Variants in SNX16 observed in about 807,000 individuals in gnomAD.
The protein encoded by SNX16 is sorting nexin-16.
Under a neutral mutation model 36.7 loss-of-function variants are expected in SNX16, and 35 were observed. The ratio of observed to expected loss-of-function variants is 0.95; its 90% CI spans 0.73 to 1.27. The LOEUF (loss-of-function observed/expected upper bound fraction) is 1.27. Among genes scored for constraint, SNX16 ranks in the 50% most tolerant of loss-of-function variants. The pLI is 0.00. For synonymous variants in SNX16, 134 were observed against 132.0 expected (o/e 1.02, Z -0.10); for missense variants, 367 against 393.6 (o/e 0.93, Z 0.57).
intron 2 of SNX16, among the ~76,000 whole-genome samples, chr8:81,832,014 A>G (rs1222657025): frequency 6.6e-6 from 1 of 152,232 alleles, no homozygotes; most frequent in African/African-American, 2.4e-5. Flanking sequence ...AGATTTCTCA[A>G]AGAACTTAAA....
At chr8:81,831,177 T>C (rs568120167) in intron 2 of SNX16, among the ~76,000 whole-genome samples, 2 of 152,250 alleles carry the variant, frequency 1.3e-5, no homozygotes, top group South Asian at 2.1e-4. Context: ...AGAAAACCTA[T>C]GAAACACCAT....
At chr8:81,819,548 C>A (rs1055003542) in intron 4 of SNX16, among the ~76,000 whole-genome samples, 1 of 152,018 alleles carries the variant, frequency 6.6e-6, no homozygotes, top group Admixed American at 6.6e-5. Context: ...GTCAAAAGTT[C>A]TCTTTTCCAC....
intron 5 of SNX16, chr8:81,807,970 G>A (rs1333402871): frequency 6.3e-6 from 5 of 789,436 alleles, no homozygotes; most frequent in Non-Finnish European, 1.1e-5. Flanking sequence ...CACTGTGGGG[G>A]AGGTGGATGC....
chr8:81,831,463 T>C (rs541515909), intron 2 of SNX16, among the ~76,000 whole-genome samples: 1 of 151,886 alleles, frequency 6.6e-6, no homozygotes, highest in South Asian at 2.1e-4. Flanking sequence ...GAGGCTGAGG[T>C]GGGCAGATCA....
At position 81,800,048 on chromosome 8, in the gene SNX16, T is replaced by G. The variant is rs533675654; in HGVS notation, c.*1449A>C. ...GGTTATTTGGTAAAAAGTGATCTCC[T>G]TTTTACTTCAAAGGTTAACAACAGC... is the stretch of plus-strand genomic sequence containing the variant. On this transcript the variant is annotated 3_prime_UTR_variant, in exon 8 of 8. Transcript: ENST00000345957. The G allele has an allele frequency of 2.0e-5, 3 of 152,068 alleles. No homozygotes were observed. The highest frequency in any genetic ancestry group is 3.9e-4 in the East Asian group (2 of 5,182). The allele number at this position is 152,068 out of a possible 1,614,324, so 9.4% of individuals were successfully genotyped here.
intron 5 of SNX16, among the ~76,000 whole-genome samples, chr8:81,804,754 G>A: frequency 6.6e-6 from 1 of 152,036 alleles, no homozygotes; most frequent in East Asian, 1.9e-4. Flanking sequence ...ACAGACAAAT[G>A]TTAGCCTTTT....
At chr8:81,811,758 A>C (rs567199227) in intron 5 of SNX16, among the ~76,000 whole-genome samples, 72 of 152,260 alleles carry the variant, frequency 4.7e-4, no homozygotes, top group Admixed American at 9.2e-4. Flanking sequence ...TATTCAAATA[A>C]ATGTACAAAA....
At chr8:81,811,839 G>A (rs761130250) in intron 5 of SNX16, among the ~76,000 whole-genome samples, 2 of 151,950 alleles carry the variant, frequency 1.3e-5, no homozygotes, top group Non-Finnish European at 2.9e-5. Flanking sequence ...ATCTCTAAAC[G>A]GCCCCAAATG....
At position 81,803,189 on chromosome 8, in the gene SNX16, G is replaced by C; in HGVS notation, c.721C>G (p.Gln241Glu). The C allele has an allele frequency of 6.2e-7, 1 of 1,611,042 alleles. No homozygotes were observed. Among genetic ancestry groups the C allele is most frequent in the Non-Finnish European group, 8.5e-7 (1 of 1,178,546 alleles). The change falls in exon 6 of 8, where the codon CAG becomes GAG. Residue 241 changes from glutamine to glutamate, a missense_variant. Coordinates refer to ENST00000345957, the MANE Select transcript of SNX16 (RefSeq NM_152836.3). ...TTTTGTTTTTCAAGTAGTTCTTTCT[G>C]TAAGCGGTAGTTTGTCTCTTCTAAA... ...ETLEETNYRL[Q>E]KELLEKQKEM...
intron 5 of SNX16, among the ~76,000 whole-genome samples, chr8:81,804,346 G>A (rs1809840353): frequency 6.6e-6 from 1 of 151,982 alleles, no homozygotes; most frequent in African/African-American, 2.4e-5. Context: ...AGGAATGAAA[G>A]TGACAAAGAC....
At chr8:81,813,707 TA>T (rs574755309) in intron 5 of SNX16, among the ~76,000 whole-genome samples, 287 of 151,966 alleles carry the variant, frequency 1.9e-3, no homozygotes, top group Non-Finnish European at 2.9e-3. Flanking sequence ...ATATCTAAAG[TA>T]AAGATTTTAT....
chr8:81,833,472 C>T (rs992347800), intron 2 of SNX16, among the ~76,000 whole-genome samples: 1 of 151,888 alleles, frequency 6.6e-6, no homozygotes, highest in Non-Finnish European at 1.5e-5. Context: ...TCTTTAAAGT[C>T]AGCAGAAGGT....
At chr8:81,835,349 A>T (rs1012119984) in intron 2 of SNX16, among the ~76,000 whole-genome samples, 1 of 152,172 alleles carries the variant, frequency 6.6e-6, no homozygotes, top group Non-Finnish European at 1.5e-5. Context: ...TATGCCCTGG[A>T]GACATCTTCC....
chr8:81,823,363 T>C (rs1322484687), intron 4 of SNX16, among the ~76,000 whole-genome samples: 4 of 152,088 alleles, frequency 2.6e-5, no homozygotes, highest in African/African-American at 7.2e-5. Context: ...CTACCTTCTA[T>C]GTAAATTAAG....
In SNX16 at chr8:81,814,399, A is replaced by G. The variant is rs149569832; in HGVS notation, c.681+926T>C. On this transcript the variant is annotated intron_variant, in intron 5 of 7. Coordinates refer to ENST00000345957, the MANE Select transcript of SNX16 (RefSeq NM_152836.3). Reference sequence around the variant, plus strand: ...AATACACACAAACACACACTGTATGATTTTATTTATATGAAATATCCAGAA... The same window carrying G: ...AATACACACAAACACACACTGTATGGTTTTATTTATATGAAATATCCAGAA... Among the ~76,000 whole-genome samples the G allele has an allele frequency of 1.9e-4, 29 of 152,216 alleles. No individual in the cohort carries two copies. In the East Asian group the frequency reaches 5.6e-3, roughly 29 times the overall value.
chr8:81,840,028 CACTTAGAGAACA>C lies in SNX16; in HGVS notation c.-54_-43del, dbSNP rs1204064678. 1 of 1,528,098 alleles carries C rather than the reference CACTTAGAGAACA, an allele frequency of 6.5e-7. No individual in the cohort carries two copies. The highest frequency in any genetic ancestry group is 2.3e-5 in the East Asian group (1 of 44,240). 94.7% of individuals were successfully genotyped at this position (1,528,098 alleles called of 1,614,324 possible). A position where few individuals can be genotyped will look rare whatever the true frequency, so the allele number is the denominator to read the frequency against. ...CAACAAGCTTGCACACTGTTGAGTC[CACTTAGAGAACA>C]ACTAATATGCAATCCATTATTTTCT... On this transcript the variant is annotated 5_prime_UTR_variant, in exon 2 of 8. An upstream open reading frame in the 5' UTR loses its in-frame stop. Coordinates refer to ENST00000345957, the MANE Select transcript of SNX16 (RefSeq NM_152836.3).
intron 5 of SNX16, among the ~76,000 whole-genome samples, chr8:81,806,484 A>G (rs1470452546): frequency 6.6e-6 from 1 of 152,166 alleles, no homozygotes; most frequent in African/African-American, 2.4e-5. Context: ...TTAGCAAACT[A>G]GAAATAGAAC....
intron 4 of SNX16, among the ~76,000 whole-genome samples, chr8:81,823,133 C>G (rs1810852163): frequency 6.6e-6 from 1 of 151,478 alleles, no homozygotes; most frequent in Non-Finnish European, 1.5e-5. Context: ...CTGCCCAAGA[C>G]AGTTACAGGC....
intron 3 of SNX16, among the ~76,000 whole-genome samples, chr8:81,826,020 G>T (rs1811000569): frequency 7.1e-6 from 1 of 141,786 alleles, no homozygotes; most frequent in Non-Finnish European, 1.6e-5. Context: ...TAAATGGTTA[G>T]ATTTTTTTTT....
Sources: gnomAD v4.1 joint callset for allele counts (sites outside exome capture counted in the v4.1 genomes callset) on GRCh38, gnomAD v4.1.1 for gene constraint, MANE v1.5 for transcripts, NCBI Gene and HGNC (gene_info 2026-07-23, HGNC 2026-07-21) for gene names.